Variants in GSK3B observed in about 807,000 individuals in gnomAD.
GSK3B encodes glycogen synthase kinase-3 beta.
A neutral mutation model predicts 56.4 loss-of-function variants in GSK3B; 15 were observed. The observed-to-expected ratio is 0.27, with a 90% CI of 0.18 to 0.41. GSK3B has a LOEUF of 0.41. Among genes scored for constraint, GSK3B ranks in the 10% least tolerant of loss-of-function variants. GSK3B has a pLI of 1.00. For missense variants in GSK3B, 300 were observed against 513.4 expected (o/e 0.58, Z 4.02); for synonymous variants, 181 against 188.9 (o/e 0.96, Z 0.34).
At chr3:120,073,727 G>C (rs747383905) in intron 1 of GSK3B, among the ~76,000 whole-genome samples, 1 of 152,168 alleles carries the variant, frequency 6.6e-6, no homozygotes, top group African/African-American at 2.4e-5. Context: ...GAACAGGTTC[G>C]AAGTATGGCT....
intron 1 of GSK3B, among the ~76,000 whole-genome samples, chr3:120,013,208 A>C (rs969670787): frequency 6.6e-6 from 1 of 152,342 alleles, no homozygotes; most frequent in South Asian, 2.1e-4. Context: ...TCCAAAAGCC[A>C]AAAGTCCACT....
At chr3:119,917,516 T>G (rs918833709) in intron 4 of GSK3B, among the ~76,000 whole-genome samples, 4 of 152,136 alleles carry the variant, frequency 2.6e-5, no homozygotes, top group Non-Finnish European at 4.4e-5. Flanking sequence ...TAAAGCTTAC[T>G]GTAGGAGTTT....
chr3:119,953,681 C>T (rs1055378502), intron 2 of GSK3B, among the ~76,000 whole-genome samples: 4 of 152,254 alleles, frequency 2.6e-5, no homozygotes, highest in East Asian at 3.9e-4. Context: ...TCTCACTCTT[C>T]CTGAATATAT....
Position 119,997,024 on chromosome 3 carries a change from A to C in GSK3B, c.282+5022T>G, listed in dbSNP as rs575322696. ...TAGGGAAAAAAACCATAAACCCTAT[A>C]TGAAAATCAGTGTCTAATCATAATA... On this transcript the variant is annotated intron_variant, in intron 2 of 10. Transcript: ENST00000264235. 2.6e-5 allele frequency among the ~76,000 whole-genome samples: 4 copies of C among 152,234 alleles called. No individual in the cohort carries two copies. In the South Asian group the frequency reaches 8.3e-4, roughly 31 times the overall value.
chr3:120,042,808 C>T (rs971036848), intron 1 of GSK3B, among the ~76,000 whole-genome samples: 2 of 152,164 alleles, frequency 1.3e-5, no homozygotes, highest in African/African-American at 4.8e-5. Context: ...AAAGACAAAT[C>T]AGAGCTTAAA....
chr3:119,906,676 C>A (rs137959310), intron 6 of GSK3B, among the ~76,000 whole-genome samples: 232 of 152,148 alleles, frequency 1.5e-3, no homozygotes, highest in Middle Eastern at 3.4e-3. Context: ...AGACTTCCTA[C>A]AAGAAAAGGC....
intron 3 of GSK3B, among the ~76,000 whole-genome samples, chr3:119,946,738 A>G (rs59368677): frequency 0.026 from 3,944 of 152,300 alleles, 175 homozygotes; most frequent in African/African-American, 0.089. Context: ...GTTTCGCAGA[A>G]TTCAATGTGG....
At position 119,824,584 on chromosome 3, in the gene GSK3B, T is replaced by C. The variant is rs1257238545; in HGVS notation, c.*2204A>G. ...GCCTTTTCAGATTCTTTATAAATTC[T>C]GTCTGAAAATGGTCTATCAACGCCA... On this transcript the variant is annotated 3_prime_UTR_variant, in exon 11 of 11. Coordinates refer to ENST00000264235, the MANE Select transcript of GSK3B (RefSeq NM_001146156.2). 4.8e-6 allele frequency: 1 copy of C among 207,250 alleles called. No individual in the cohort carries two copies. The highest frequency in any genetic ancestry group is 7.3e-5 in the East Asian group (1 of 13,768). 12.8% of individuals were successfully genotyped at this position (207,250 alleles called of 1,614,324 possible). A position where few individuals can be genotyped will look rare whatever the true frequency, so the allele number is the denominator to read the frequency against.
chr3:119,947,237 A>T lies in GSK3B; in HGVS notation c.366+31T>A, dbSNP rs754171627. 3.5e-6 allele frequency: 4 copies of T among 1,157,544 alleles called. No homozygotes were observed. The East Asian group carries it at 9.4e-5, about 27-fold the overall frequency. The allele number at this position is 1,157,544 out of a possible 1,614,324, so 71.7% of individuals were successfully genotyped here. The stretch of plus-strand genomic sequence containing the variant: ...CTAGAAAAATAACAAATTTATCACA[A>T]TATTCAGTACACACTTTGTGTCAAA... On this transcript the variant is annotated intron_variant, in intron 3 of 10. Coordinates refer to ENST00000264235, the MANE Select transcript of GSK3B (RefSeq NM_001146156.2).
In GSK3B at chr3:120,094,315, C is replaced by T. The variant is rs1288404630; in HGVS notation, c.-881G>A. The T allele has an allele frequency of 7.5e-6, 2 of 268,198 alleles. No homozygotes were observed. The highest frequency in any genetic ancestry group is 1.4e-5 in the Non-Finnish European group (2 of 140,222). The allele number at this position is 268,198 out of a possible 1,614,324, so 16.6% of individuals were successfully genotyped here. A position where few individuals can be genotyped will look rare whatever the true frequency, so the allele number is the denominator to read the frequency against. On this transcript the variant is annotated 5_prime_UTR_variant, in exon 1 of 11. Transcript: ENST00000264235. ...AGGAAGTGTCCGCGCTTTGCCCCAGCCCAGAGCCCTGTCAGCGGCTGCGGG... is the reference window on the plus strand; with the variant it reads ...AGGAAGTGTCCGCGCTTTGCCCCAGTCCAGAGCCCTGTCAGCGGCTGCGGG...
At chr3:119,965,353 C>T (rs1043800736) in intron 2 of GSK3B, among the ~76,000 whole-genome samples, 1 of 151,240 alleles carries the variant, frequency 6.6e-6, no homozygotes, top group East Asian at 1.9e-4. Flanking sequence ...TGTTAGCCAC[C>T]GTGCCCAGCC....
chr3:120,051,702 G>A (rs1339195490), intron 1 of GSK3B, among the ~76,000 whole-genome samples: 2 of 151,552 alleles, frequency 1.3e-5, no homozygotes, highest in African/African-American at 4.9e-5. Flanking sequence ...AAGAGGCGGA[G>A]GTCACAGTGA....
chr3:119,990,098 C>T (rs143112121), intron 2 of GSK3B, among the ~76,000 whole-genome samples: 1 of 152,142 alleles, frequency 6.6e-6, no homozygotes, highest in Non-Finnish European at 1.5e-5. Flanking sequence ...TGACCATAAA[C>T]CACAAATAAC....
intron 3 of GSK3B, among the ~76,000 whole-genome samples, chr3:119,946,356 A>C (rs2057099811): frequency 6.6e-6 from 1 of 152,202 alleles, no homozygotes; most frequent in Admixed American, 6.5e-5. Context: ...CTTAATAGAA[A>C]ATGGCTAAAA....
chr3:119,904,811 T>C (rs1042283677), intron 7 of GSK3B, among the ~76,000 whole-genome samples: 2 of 152,134 alleles, frequency 1.3e-5, no homozygotes, highest in Admixed American at 6.5e-5. Flanking sequence ...TTGGACAACA[T>C]GACCTCTAAG....
chr3:119,954,307 A>C (rs74788098), intron 2 of GSK3B, among the ~76,000 whole-genome samples: 71 of 121,728 alleles, frequency 5.8e-4, no homozygotes, highest in African/African-American at 2.2e-3. Context: ...TAGAATAGAA[A>C]AGAAACAGAA....
intron 1 of GSK3B, among the ~76,000 whole-genome samples, chr3:120,077,863 G>A (rs2058380693): frequency 6.6e-6 from 1 of 151,952 alleles, no homozygotes; most frequent in African/African-American, 2.4e-5. Context: ...AGTCTGGAGG[G>A]CCTGGGATCA....
intron 9 of GSK3B, among the ~76,000 whole-genome samples, chr3:119,843,779 A>C (rs1203778852): frequency 6.6e-6 from 1 of 152,170 alleles, no homozygotes; most frequent in African/African-American, 2.4e-5. Context: ...ACAGAAAAGT[A>C]ACAAGGATAT....
intron 2 of GSK3B, among the ~76,000 whole-genome samples, chr3:119,959,642 G>A (rs928262718): frequency 2.0e-5 from 3 of 151,234 alleles, no homozygotes; most frequent in Admixed American, 6.6e-5. Flanking sequence ...AGCCTCCTGA[G>A]TAGCTGGGAT....
Sources: gnomAD v4.1 joint callset for allele counts (sites outside exome capture counted in the v4.1 genomes callset) on GRCh38, gnomAD v4.1.1 for gene constraint, MANE v1.5 for transcripts, NCBI Gene and HGNC (gene_info 2026-07-23, HGNC 2026-07-21) for gene names.